SDK1: variants seen among roughly 807,000 people sequenced by gnomAD.
SDK1 encodes sidekick cell adhesion molecule 1, also known as protein sidekick-1.
SDK1 carries 157 observed loss-of-function variants against 245.5 expected under a neutral mutation model. That is an observed-to-expected ratio of 0.64 (90% confidence interval 0.56 to 0.73). SDK1 has a LOEUF of 0.73. SDK1 is among the 30% of genes least tolerant of loss of function. SDK1 has a pLI of 0.00. For synonymous variants in SDK1, 1,647 were observed against 1,278.5 expected, an observed-to-expected ratio of 1.29 and a Z score of -6.15; for missense variants, 3,583 against 3,002.3, an observed-to-expected ratio of 1.19 and a Z score of -4.52.
chr7:3,322,709 A>G (rs1218554211), intron 1 of SDK1, among the ~76,000 whole-genome samples: 1 of 152,176 alleles, frequency 6.6e-6, no homozygotes, highest in Non-Finnish European at 1.5e-5. Context: ...TTTGCAGTGT[A>G]ATCTCTTCCT....
intron 4 of SDK1, among the ~76,000 whole-genome samples, chr7:3,670,161 C>G (rs1783653808): frequency 6.6e-6 from 1 of 152,154 alleles, no homozygotes; most frequent in Non-Finnish European, 1.5e-5. Context: ...TCTCCATTCC[C>G]CATGCTGTGG....
chr7:3,770,620 A>G (rs2114999622), intron 4 of SDK1, among the ~76,000 whole-genome samples: 1 of 152,140 alleles, frequency 6.6e-6, no homozygotes, highest in South Asian at 2.1e-4. Context: ...TGTTGTGGAG[A>G]GATTCCCCCT....
chr7:3,439,964 T>C (rs1309947132), intron 1 of SDK1, among the ~76,000 whole-genome samples: 1 of 152,146 alleles, frequency 6.6e-6, no homozygotes, highest in East Asian at 1.9e-4. Flanking sequence ...TCTATGGAGA[T>C]ATAATTGAAA....
chr7:3,784,678 G>C (rs928407477), intron 4 of SDK1, among the ~76,000 whole-genome samples: 2 of 152,186 alleles, frequency 1.3e-5, no homozygotes, highest in African/African-American at 4.8e-5. Context: ...TCTCACACCT[G>C]TCAGAATAGC....
intron 4 of SDK1, among the ~76,000 whole-genome samples, chr7:3,683,476 A>G (rs1784172435): frequency 6.6e-6 from 1 of 152,076 alleles, no homozygotes; most frequent in African/African-American, 2.4e-5. Context: ...ATTTTTATGT[A>G]ATCTTCTGTT....
At chr7:3,620,316 A>G (rs911962910) in intron 2 of SDK1, among the ~76,000 whole-genome samples, 1 of 142,022 alleles carries the variant, frequency 7.0e-6, no homozygotes, top group Non-Finnish European at 1.5e-5. Context: ...TTTTTTTTTA[A>G]TTTGAGACGG....
At chr7:4,132,836 C>T (rs960417086) in intron 28 of SDK1, among the ~76,000 whole-genome samples, 1 of 152,228 alleles carries the variant, frequency 6.6e-6, no homozygotes, top group South Asian at 2.1e-4. Context: ...AAAAGGCTGT[C>T]TCCAGCAGCC....
chr7:4,015,161 T>G (rs1786297602), intron 16 of SDK1, among the ~76,000 whole-genome samples: 2 of 152,314 alleles, frequency 1.3e-5, no homozygotes, highest in South Asian at 4.2e-4. Context: ...GAAATGCTAC[T>G]GTCGTACCCA....
chr7:3,700,444 A>T (rs1236774863), intron 4 of SDK1, among the ~76,000 whole-genome samples: 2 of 152,216 alleles, frequency 1.3e-5, no homozygotes, highest in Non-Finnish European at 2.9e-5. Flanking sequence ...AGGGACTTAA[A>T]GAATGGTAAG....
At chr7:3,768,310 A>G (rs141842047) in intron 4 of SDK1, among the ~76,000 whole-genome samples, 10 of 152,314 alleles carry the variant, frequency 6.6e-5, no homozygotes, top group African/African-American at 2.2e-4. Context: ...CATAAAGCAG[A>G]GTGTGAAGGT....
chr7:3,757,329 T>C (rs565579703), intron 4 of SDK1, among the ~76,000 whole-genome samples: 54 of 152,178 alleles, frequency 3.5e-4, no homozygotes, highest in African/African-American at 1.2e-3. Context: ...CAACTCCTGG[T>C]CTCAAGCGAT....
chr7:3,881,750 A>C (rs1416852330), intron 5 of SDK1, among the ~76,000 whole-genome samples: 1 of 152,160 alleles, frequency 6.6e-6, no homozygotes, highest in Non-Finnish European at 1.5e-5. Context: ...AAACATTCTA[A>C]AGTGAGCCCT....
In SDK1 at chr7:3,374,941, T is replaced by C. The variant is rs561584803; in HGVS notation, c.298+73057T>C. 2.4e-4 allele frequency among the ~76,000 whole-genome samples: 37 copies of C among 152,364 alleles called. 2 individuals carry two copies. In the Middle Eastern group the frequency reaches 0.01, roughly 42 times the overall value. On this transcript the variant is annotated intron_variant, in intron 1 of 44. Transcript: ENST00000404826. ...CACTCCCATTGAAGGACACAGACTGTGTCTCTTTAGTTCACTATCGTATAT... is the reference window on the plus strand; with the variant it reads ...CACTCCCATTGAAGGACACAGACTGCGTCTCTTTAGTTCACTATCGTATAT...
At chr7:3,610,233 G>A (rs748032404) in intron 1 of SDK1, among the ~76,000 whole-genome samples, 5 of 152,260 alleles carry the variant, frequency 3.3e-5, no homozygotes, top group South Asian at 4.1e-4. Flanking sequence ...CATATTTGCC[G>A]TAAACTCACC....
At chr7:4,165,904 A>T (rs775281690) in intron 32 of SDK1, among the ~76,000 whole-genome samples, 21 of 152,066 alleles carry the variant, frequency 1.4e-4, no homozygotes, top group Non-Finnish European at 2.9e-4. Context: ...CTCCCACCTC[A>T]GCCTCCCCAG....
intron 4 of SDK1, among the ~76,000 whole-genome samples, chr7:3,776,285 A>G (rs1780558883): frequency 6.6e-6 from 1 of 152,230 alleles, no homozygotes; most frequent in Non-Finnish European, 1.5e-5. Context: ...ATGTGTATGC[A>G]AAGGGCCATG....
At chr7:3,369,067 CAG>C (rs1041369247) in intron 1 of SDK1, among the ~76,000 whole-genome samples, 3 of 151,466 alleles carry the variant, frequency 2.0e-5, no homozygotes, top group Admixed American at 1.3e-4. Context: ...CTTTTTGAGA[CAG>C]AGTCTTGCTC....
chr7:3,689,207 G>C (rs1482726603), intron 4 of SDK1, among the ~76,000 whole-genome samples: 1 of 152,142 alleles, frequency 6.6e-6, no homozygotes, highest in African/African-American at 2.4e-5. Flanking sequence ...AGAACGTTAT[G>C]ATAACCCTGC....
At chr7:3,365,758 C>T (rs949382611) in intron 1 of SDK1, among the ~76,000 whole-genome samples, 2 of 151,992 alleles carry the variant, frequency 1.3e-5, no homozygotes, top group African/African-American at 4.8e-5. Context: ...CCAGGCTGGG[C>T]GTGGTGGCTC....
Sources: gnomAD v4.1 joint callset for allele counts (sites outside exome capture counted in the v4.1 genomes callset) on GRCh38, gnomAD v4.1.1 for gene constraint, MANE v1.5 for transcripts, NCBI Gene and HGNC (gene_info 2026-07-23, HGNC 2026-07-21) for gene names.